Variants in RBM39 observed in about 807,000 individuals in gnomAD.
The protein encoded by RBM39 is RNA-binding protein 39.
RBM39 carries 12 observed loss-of-function variants against 79.6 expected under a neutral mutation model. The observed-to-expected ratio is 0.15, with a 90% confidence interval of 0.10 to 0.24. The LOEUF is 0.24. Among genes scored for constraint, RBM39 ranks in the 10% least tolerant of loss-of-function variants. RBM39 has a pLI of 1.00. For missense variants in RBM39, 243 were observed against 653.4 expected, an observed-to-expected ratio of 0.37 and a Z score of 6.85; for synonymous variants, 185 against 208.4, an observed-to-expected ratio of 0.89 and a Z score of 0.97.
At chr20:35,738,319 T>G (rs2040192073) in intron 3 of RBM39, among the ~76,000 whole-genome samples, 1 of 152,198 alleles carries the variant, frequency 6.6e-6, no homozygotes, top group Non-Finnish European at 1.5e-5. Context: ...TACCTAAGAC[T>G]TTTCGTACAC....
At chr20:35,720,916 G>A (rs2037846502) in intron 9 of RBM39, among the ~76,000 whole-genome samples, 1 of 152,172 alleles carries the variant, frequency 6.6e-6, no homozygotes, top group Admixed American at 6.5e-5. Context: ...CCAAGGCCTG[G>A]AACTGAGCAC....
chr20:35,719,619 G>A (rs1289566889), intron 9 of RBM39, among the ~76,000 whole-genome samples: 3 of 152,078 alleles, frequency 2.0e-5, no homozygotes, highest in Admixed American at 1.3e-4. Context: ...GGAGGTTGCA[G>A]TGAGCCGAGA....
In RBM39 at chr20:35,702,252, G is replaced by A. The variant is rs1330788941; in HGVS notation, c.*2229C>T. The A allele has an allele frequency of 6.6e-6, 1 of 152,164 alleles. No homozygotes were observed. The highest frequency in any genetic ancestry group is 2.4e-5 in the African/African-American group (1 of 41,444). The allele number at this position is 152,164 out of a possible 1,614,324, so 9.4% of individuals were successfully genotyped here. On this transcript the variant is annotated 3_prime_UTR_variant, in exon 17 of 17. Coordinates refer to ENST00000253363, the MANE Select transcript of RBM39 (RefSeq NM_184234.3). ...CACTTTGGAACACTGACAGGCAGGA[G>A]GAAATTAAGGACATTACCAGATTAG...
chr20:35,709,319 TA>T, intron 12 of RBM39, 45 bp from the exon 13 acceptor site: 1 of 1,479,928 alleles, frequency 6.8e-7, no homozygotes, highest in Non-Finnish European at 9.2e-7. Flanking sequence ...ACTAACAGGG[TA>T]AATGTCAGGA....
chr20:35,730,536 A>C (rs2039252728), intron 4 of RBM39, among the ~76,000 whole-genome samples: 1 of 152,162 alleles, frequency 6.6e-6, no homozygotes, highest in African/African-American at 2.4e-5. Flanking sequence ...TACAGTTCTC[A>C]AGTAATTAGT....
At position 35,710,042 on chromosome 20, in the gene RBM39, C is replaced by G. The variant is rs531805062; in HGVS notation, c.1175-768G>C. 2.6e-5 allele frequency among the ~76,000 whole-genome samples: 4 copies of G among 152,314 alleles called. No homozygotes were observed. The South Asian group carries it at 8.3e-4, about 32-fold the overall frequency. On this transcript the variant is annotated intron_variant, in intron 12 of 16. Transcript: ENST00000253363. ...GTTAGATTTCTACAGTGGACGCCAT[C>G]TGAAAGCTGCTACAGAGTGAAACAG...
intron 3 of RBM39, among the ~76,000 whole-genome samples, chr20:35,738,560 G>A (rs947193648): frequency 1.3e-5 from 2 of 152,114 alleles, no homozygotes; most frequent in South Asian, 2.1e-4. Context: ...TGACTCCTTC[G>A]GCACTTTAGG....
chr20:35,721,965 GT>G, intron 8 of RBM39, 88 bp from the exon 9 acceptor site: 1 of 1,440,280 alleles, frequency 6.9e-7, no homozygotes. Context: ...TAATGTTAAA[GT>G]TTAGAGTGAT....
intron 12 of RBM39, among the ~76,000 whole-genome samples, chr20:35,711,434 T>A (rs1295159046): frequency 6.6e-6 from 1 of 152,188 alleles, no homozygotes; most frequent in Non-Finnish European, 1.5e-5. Flanking sequence ...AAATAAATTA[T>A]GTGTTAATCC....
At chr20:35,710,602 A>T (rs184644396) in intron 12 of RBM39, 7 of 152,330 alleles carry the variant, frequency 4.6e-5, no homozygotes, top group Admixed American at 1.3e-4. Flanking sequence ...GCAGAATAAA[A>T]TAATGTGGAT....
intron 9 of RBM39, among the ~76,000 whole-genome samples, chr20:35,717,876 T>G (rs955390245): frequency 3.9e-5 from 6 of 151,984 alleles, no homozygotes; most frequent in Non-Finnish European, 8.8e-5. Flanking sequence ...TTTTTTTTTT[T>G]GAGACGGAGT....
At position 35,716,815 on chromosome 20, in the gene RBM39, A is replaced by G. The variant is rs1222828463; in HGVS notation, c.826-10T>C. On this transcript the variant is annotated splice_polypyrimidine_tract_variant and intron_variant, in intron 9 of 16. Coordinates refer to ENST00000253363, the MANE Select transcript of RBM39 (RefSeq NM_184234.3). ...GCTGGATACTTTCAATCTATAATTG[A>G]AAAGCATAATTACTATAACTTAAAA... The G allele has an allele frequency of 2.5e-6, 4 of 1,584,302 alleles. No homozygotes were observed. Among genetic ancestry groups the G allele is most frequent in the Non-Finnish European group, 3.5e-6 (4 of 1,158,490 alleles).
At chr20:35,715,032 G>GT (rs1555892059) in intron 10 of RBM39, among the ~76,000 whole-genome samples, 2 of 152,164 alleles carry the variant, frequency 1.3e-5, no homozygotes, top group Non-Finnish European at 2.9e-5. Context: ...ACAGCCTAAT[G>GT]ACCAGTAAGT....
Position 35,737,465 on chromosome 20 carries a change from CAGG to C in RBM39, c.101+1500_101+1502del, listed in dbSNP as rs571739592. Among the ~76,000 whole-genome samples the C allele has an allele frequency of 8.5e-3, 1,283 of 150,746 alleles. 6 individuals carry two copies. The highest frequency in any genetic ancestry group is 0.012 in the Non-Finnish European group (807 of 67,762). ...ATCCCAGCTACTCGGGAGGCTGAGG[CAGG>C]AGAACTGCCTGAACCCAGGAGGCAG... is the stretch of plus-strand genomic sequence containing the variant. On this transcript the variant is annotated intron_variant, in intron 3 of 16. Coordinates refer to ENST00000253363, the MANE Select transcript of RBM39 (RefSeq NM_184234.3).
intron 10 of RBM39, 126 bp from the exon 11 acceptor site, chr20:35,714,515 G>C: frequency 7.6e-7 from 1 of 1,315,888 alleles, no homozygotes; most frequent in Non-Finnish European, 9.9e-7. Flanking sequence ...GGTAGAAACT[G>C]CAAGCTGTAA....
chr20:35,706,337 C>T (rs1452963891), intron 14 of RBM39, among the ~76,000 whole-genome samples: 2 of 151,768 alleles, frequency 1.3e-5, no homozygotes, highest in African/African-American at 4.8e-5. Context: ...CTGGCTCCAA[C>T]AAAAAAAGTT....
intron 2 of RBM39, chr20:35,740,032 CTA>C (rs1228660766): frequency 6.3e-6 from 1 of 157,654 alleles, no homozygotes; most frequent in African/African-American, 2.4e-5. Flanking sequence ...GAGTCAAAGA[CTA>C]TATTAGCCAA....
At chr20:35,734,841 T>C in intron 3 of RBM39, 1 of 1,418,614 alleles carries the variant, frequency 7.0e-7, no homozygotes, top group South Asian at 1.7e-5. Flanking sequence ...ATTTATTACA[T>C]TAACTAAAGA....
At chr20:35,726,277 G>C (rs191698003) in intron 6 of RBM39, among the ~76,000 whole-genome samples, 21 of 152,190 alleles carry the variant, frequency 1.4e-4, no homozygotes, top group Admixed American at 1.4e-3. Context: ...GACTACAGGT[G>C]TGTGCCACCA....
Sources: allele counts gnomAD v4.1 joint callset (sites outside exome capture counted in the v4.1 genomes callset), GRCh38; gene constraint gnomAD v4.1.1; transcripts MANE v1.5; gene names NCBI Gene and HGNC (gene_info 2026-07-23, HGNC 2026-07-21).